RBMS3: variants seen among roughly 807,000 people sequenced by gnomAD.
RBMS3 encodes the protein RNA-binding motif, single-stranded-interacting protein 3.
A neutral mutation model predicts 66.8 loss-of-function variants in RBMS3; 27 were observed. The ratio of observed to expected loss-of-function variants is 0.40; its 90% CI spans 0.30 to 0.56. The LOEUF (loss-of-function observed/expected upper bound fraction) is 0.56. RBMS3 is among the 20% of genes least tolerant of loss of function. The probability of loss-of-function intolerance (pLI) is 0.40; values close to 1 mark genes in which losing one functional copy is unlikely to be tolerated. For synonymous variants in RBMS3, 188 were observed against 183.0 expected, an observed-to-expected ratio of 1.03 and a Z score of -0.22; for missense variants, 513 against 549.5, an observed-to-expected ratio of 0.93 and a Z score of 0.66.
Position 29,988,197 on chromosome 3 carries a change from G to A in RBMS3, c.1153G>A (p.Val385Met). The A allele has an allele frequency of 6.2e-7, 1 of 1,612,558 alleles. No homozygotes were observed. Among genetic ancestry groups the A allele is most frequent in the Non-Finnish European group, 8.5e-7 (1 of 1,178,824 alleles). Reference protein sequence around the residue: ...QGTYIPQYTPVPPTAVSIEGV... With the variant: ...QGTYIPQYTPMPPTAVSIEGV... ...GACCTACATTCCTCAGTACACGCCTGTGCCTCCGACAGCTGTTTCTATTGA... is the reference window on the plus strand; with the variant it reads ...GACCTACATTCCTCAGTACACGCCTATGCCTCCGACAGCTGTTTCTATTGA... Residue 385 changes from valine to methionine, a missense_variant, in exon 13 of 15, where the codon GTG becomes ATG. Val to Met is a conservative substitution (Grantham distance 21). Transcript: ENST00000383767.
At chr3:29,876,757 C>A (rs1458794180) in intron 7 of RBMS3, among the ~76,000 whole-genome samples, 2 of 151,876 alleles carry the variant, frequency 1.3e-5, no homozygotes, top group East Asian at 1.9e-4. Context: ...ACCACCCCTG[C>A]GAAGGCCCAG....
At chr3:29,543,556 A>G (rs1360263687) in intron 3 of RBMS3, among the ~76,000 whole-genome samples, 1 of 152,042 alleles carries the variant, frequency 6.6e-6, no homozygotes, top group Non-Finnish European at 1.5e-5. Context: ...CTAAAAATAC[A>G]AAAAGTAGCC....
chr3:29,461,287 T>A (rs2042360232), intron 2 of RBMS3, among the ~76,000 whole-genome samples: 1 of 152,244 alleles, frequency 6.6e-6, no homozygotes, highest in Non-Finnish European at 1.5e-5. Context: ...CTTTCAAAGA[T>A]GTATGCTTGG....
intron 4 of RBMS3, among the ~76,000 whole-genome samples, chr3:29,737,398 T>C (rs2054431035): frequency 6.6e-6 from 1 of 152,182 alleles, no homozygotes; most frequent in Admixed American, 6.5e-5. Flanking sequence ...TTCAAATAAT[T>C]GAAGCTTGAG....
chr3:29,286,899 G>T (rs2032391921), intron 1 of RBMS3, among the ~76,000 whole-genome samples: 1 of 152,066 alleles, frequency 6.6e-6, no homozygotes, highest in African/African-American at 2.4e-5. Context: ...GTAAATGGTT[G>T]ATGTTTATTC....
intron 1 of RBMS3, among the ~76,000 whole-genome samples, chr3:29,366,331 C>G (rs1445428584): frequency 6.6e-6 from 1 of 152,176 alleles, no homozygotes; most frequent in African/African-American, 2.4e-5. Flanking sequence ...AGAACTATAA[C>G]ATGAACTTAG....
At chr3:29,574,621 G>T (rs970159309) in intron 3 of RBMS3, among the ~76,000 whole-genome samples, 1 of 152,052 alleles carries the variant, frequency 6.6e-6, no homozygotes, top group Admixed American at 6.5e-5. Flanking sequence ...TGGTTGTTTT[G>T]TAGTCTTCTC....
intron 2 of RBMS3, among the ~76,000 whole-genome samples, chr3:29,436,230 C>T (rs1299057098): frequency 6.6e-6 from 1 of 152,108 alleles, no homozygotes; most frequent in Non-Finnish European, 1.5e-5. Flanking sequence ...TATTTATTTG[C>T]CTTTGTCCTA....
At chr3:29,514,587 C>A (rs1416205048) in intron 3 of RBMS3, among the ~76,000 whole-genome samples, 1 of 143,744 alleles carries the variant, frequency 7.0e-6, no homozygotes, top group Admixed American at 7.1e-5. Context: ...AAAAAGGAAG[C>A]GATTTATCCC....
At chr3:29,372,057 T>G (rs1442009585) in intron 1 of RBMS3, among the ~76,000 whole-genome samples, 2 of 152,006 alleles carry the variant, frequency 1.3e-5, no homozygotes, top group Admixed American at 6.6e-5. Context: ...ACCTGGTAAG[T>G]AGGGGGAAGA....
intron 12 of RBMS3, among the ~76,000 whole-genome samples, chr3:29,972,486 C>T (rs902242242): frequency 6.6e-6 from 1 of 151,782 alleles, no homozygotes; most frequent in Non-Finnish European, 1.5e-5. Flanking sequence ...CATTTGCTCA[C>T]CACCCATCTT....
intron 2 of RBMS3, among the ~76,000 whole-genome samples, chr3:29,451,685 T>A (rs1218791445): frequency 6.6e-6 from 1 of 152,212 alleles, no homozygotes; most frequent in Non-Finnish European, 1.5e-5. Context: ...TGTCACTTTT[T>A]TTCATCTTGG....
intron 6 of RBMS3, among the ~76,000 whole-genome samples, chr3:29,862,607 G>T (rs113577535): frequency 3.3e-5 from 5 of 152,026 alleles, no homozygotes; most frequent in African/African-American, 1.2e-4. Context: ...CCAGATGGAG[G>T]GGTGTGTGTG....
Position 29,454,467 on chromosome 3 carries a change from ATAC to A in RBMS3, c.248+19556_248+19558del, listed in dbSNP as rs753610586. Among the ~76,000 whole-genome samples, 36 of 152,312 alleles carry A rather than the reference ATAC, an allele frequency of 2.4e-4. 1 individual carries two copies. In the Middle Eastern group the frequency reaches 0.02, roughly 86 times the overall value. On this transcript the variant is annotated intron_variant, in intron 2 of 14. Coordinates refer to ENST00000383767, the MANE Select transcript of RBMS3 (RefSeq NM_001003793.3). ...AATTTCTCCCAGGGAAAGTTGAAGT[ATAC>A]TACAATGGTGGATCTATTAAAAATA...
intron 3 of RBMS3, among the ~76,000 whole-genome samples, chr3:29,506,311 A>T (rs912628879): frequency 1.3e-5 from 2 of 151,724 alleles, no homozygotes; most frequent in African/African-American, 4.8e-5. Flanking sequence ...TTGTAAAATA[A>T]TTTTTCTGCA....
At chr3:29,742,475 T>C (rs984324724) in intron 5 of RBMS3, among the ~76,000 whole-genome samples, 2 of 152,222 alleles carry the variant, frequency 1.3e-5, no homozygotes, top group Admixed American at 1.3e-4. Flanking sequence ...CTGCCCTTCT[T>C]GCCTGGTTAT....
intron 10 of RBMS3, among the ~76,000 whole-genome samples, chr3:29,924,453 G>T (rs868751536): frequency 1.3e-5 from 2 of 151,992 alleles, no homozygotes; most frequent in Middle Eastern, 3.4e-3. Context: ...AATGACATCT[G>T]AAGAGAGTAT....
intron 1 of RBMS3, among the ~76,000 whole-genome samples, chr3:29,343,834 C>T (rs1471155359): frequency 1.3e-5 from 2 of 152,212 alleles, no homozygotes; most frequent in Non-Finnish European, 2.9e-5. Flanking sequence ...TAAGACCGTT[C>T]TCTGCATTCC....
intron 1 of RBMS3, among the ~76,000 whole-genome samples, chr3:29,386,696 C>T (rs4377455): frequency 0.59 from 88,956 of 151,968 alleles, 26,461 homozygotes; most frequent in Middle Eastern, 0.64. Context: ...AAGCTCTTGG[C>T]TCCATTTCAT....
Sources: allele counts gnomAD v4.1 joint callset (sites outside exome capture counted in the v4.1 genomes callset), GRCh38; gene constraint gnomAD v4.1.1; transcripts MANE v1.5; gene names NCBI Gene and HGNC (gene_info 2026-07-23, HGNC 2026-07-21).